Variants in CA10 observed in about 807,000 individuals in gnomAD.
CA10 encodes carbonic anhydrase-related protein 10.
A neutral mutation model predicts 44.2 loss-of-function variants in CA10; 14 were observed. The ratio of observed to expected loss-of-function variants is 0.32; its 90% CI spans 0.21 to 0.50. The LOEUF (loss-of-function observed/expected upper bound fraction) is 0.50, where lower values mean the gene tolerates loss of function less well. CA10 is among the 20% of genes least tolerant of loss of function. CA10 has a pLI of 0.99. For missense variants in CA10, 350 were observed against 409.7 expected (o/e 0.85, Z 1.26); for synonymous variants, 159 against 141.6 (o/e 1.12, Z -0.87).
At chr17:51,729,450 C>A (rs1177522268) in intron 4 of CA10, among the ~76,000 whole-genome samples, 3 of 151,916 alleles carry the variant, frequency 2.0e-5, no homozygotes, top group Admixed American at 1.3e-4. Context: ...TAGAGGGAAG[C>A]CCACTGCATA....
At chr17:52,018,440 G>T (rs1445372648) in intron 2 of CA10, among the ~76,000 whole-genome samples, 1 of 152,098 alleles carries the variant, frequency 6.6e-6, no homozygotes, top group Admixed American at 6.5e-5. Context: ...GCAAGAAGCA[G>T]AGCCAAAGGA....
At chr17:51,801,579 A>G (rs1444641658) in intron 3 of CA10, among the ~76,000 whole-genome samples, 1 of 152,206 alleles carries the variant, frequency 6.6e-6, no homozygotes, top group African/African-American at 2.4e-5. Context: ...AGACAATGAA[A>G]AAAAAAAGTG....
intron 3 of CA10, among the ~76,000 whole-genome samples, chr17:51,926,205 A>AC (rs984412782): frequency 1.3e-5 from 2 of 152,078 alleles, no homozygotes; most frequent in African/African-American, 4.8e-5. Context: ...AGGAACTTAG[A>AC]CCCCACAGCA....
chr17:52,060,240 G>A (rs1439822898), intron 2 of CA10, among the ~76,000 whole-genome samples: 2 of 152,074 alleles, frequency 1.3e-5, no homozygotes, highest in African/African-American at 4.8e-5. Context: ...ATACAAAGTA[G>A]CTCACCAGTA....
In CA10 at chr17:51,992,211, TA is replaced by T. The variant is rs374223596; in HGVS notation, c.137-61080del. Reference sequence around the variant, plus strand: ...CATAAGTTTCATTTTTGCTTTACTATAAAAAAAAGGAGTTACAATACCCCTC... The same window carrying T: ...CATAAGTTTCATTTTTGCTTTACTATAAAAAAAGGAGTTACAATACCCCTC... On this transcript the variant is annotated intron_variant, in intron 2 of 8. Coordinates refer to ENST00000451037, the MANE Select transcript of CA10 (RefSeq NM_020178.5). Among the ~76,000 whole-genome samples, 6 of 151,776 alleles carry T rather than the reference TA, an allele frequency of 4.0e-5. No homozygotes were observed. In the East Asian group the frequency reaches 5.8e-4, roughly 15 times the overall value.
chr17:51,974,785 A>G (rs1008890382), intron 2 of CA10, among the ~76,000 whole-genome samples: 9 of 152,156 alleles, frequency 5.9e-5, no homozygotes. Context: ...CAAGGCAAGT[A>G]AGAAGAAAAG....
At chr17:51,881,582 AGAC>A (rs1555608674) in intron 3 of CA10, among the ~76,000 whole-genome samples, 7 of 152,164 alleles carry the variant, frequency 4.6e-5, no homozygotes, top group Non-Finnish European at 1.0e-4. Flanking sequence ...AATATAAAAA[AGAC>A]AGCCTATCTG....
At chr17:51,905,526 C>CT (rs34606778) in intron 3 of CA10, among the ~76,000 whole-genome samples, 2,602 of 99,794 alleles carry the variant, frequency 0.026, 76 homozygotes, top group African/African-American at 0.043. Context: ...CCTATCAGTC[C>CT]TTTTTTTTTT....
At chr17:52,071,806 T>C (rs955229707) in intron 2 of CA10, among the ~76,000 whole-genome samples, 2 of 152,152 alleles carry the variant, frequency 1.3e-5, no homozygotes, top group Non-Finnish European at 2.9e-5. Flanking sequence ...ACCTTGCTTC[T>C]GAACGAAAGT....
At chr17:51,854,183 C>T (rs1388841549) in intron 3 of CA10, among the ~76,000 whole-genome samples, 1 of 152,152 alleles carries the variant, frequency 6.6e-6, no homozygotes, top group African/African-American at 2.4e-5. Flanking sequence ...CTCCACCTTC[C>T]TCACGAGATT....
At chr17:52,065,314 T>A (rs756076068) in intron 2 of CA10, among the ~76,000 whole-genome samples, 2 of 152,262 alleles carry the variant, frequency 1.3e-5, no homozygotes, top group Non-Finnish European at 2.9e-5. Context: ...TGTACTGATG[T>A]GTTTGTTACT....
intron 5 of CA10, among the ~76,000 whole-genome samples, chr17:51,650,044 A>T (rs1913504683): frequency 6.6e-6 from 1 of 152,088 alleles, no homozygotes; most frequent in African/African-American, 2.4e-5. Flanking sequence ...AGGGTCTATT[A>T]TGGGCCAAAC....
At chr17:51,839,267 C>T (rs908484936) in intron 3 of CA10, among the ~76,000 whole-genome samples, 4 of 152,068 alleles carry the variant, frequency 2.6e-5, no homozygotes, top group South Asian at 2.1e-4. Flanking sequence ...CCAAGGTGGG[C>T]GGATCACGAG....
intron 3 of CA10, among the ~76,000 whole-genome samples, chr17:51,765,102 C>T (rs942338973): frequency 3.3e-5 from 5 of 152,132 alleles, no homozygotes; most frequent in Non-Finnish European, 7.3e-5. Context: ...AGACTGTTCA[C>T]CCATCAAATG....
At chr17:51,825,447 C>A (rs539119462) in intron 3 of CA10, among the ~76,000 whole-genome samples, 1 of 152,082 alleles carries the variant, frequency 6.6e-6, no homozygotes, top group East Asian at 1.9e-4. Flanking sequence ...GGGGTGTGAA[C>A]CTTGTCTGTT....
chr17:51,817,648 A>G (rs1323340977), intron 3 of CA10, among the ~76,000 whole-genome samples: 1 of 152,190 alleles, frequency 6.6e-6, no homozygotes, highest in Non-Finnish European at 1.5e-5. Context: ...CGATGCATAC[A>G]TGGGTTTGTT....
chr17:52,015,731 A>T (rs1051659851), intron 2 of CA10, among the ~76,000 whole-genome samples: 2 of 152,128 alleles, frequency 1.3e-5, no homozygotes, highest in African/African-American at 4.8e-5. Context: ...AAATGAGCAC[A>T]TATTTGCAAA....
chr17:52,007,342 A>G (rs1354820631), intron 2 of CA10, among the ~76,000 whole-genome samples: 1 of 151,572 alleles, frequency 6.6e-6, no homozygotes, highest in Non-Finnish European at 1.5e-5. Flanking sequence ...AATTTCTTAC[A>G]TTTCATCCAT....
At chr17:52,082,537 T>C (rs1488936401) in intron 1 of CA10, among the ~76,000 whole-genome samples, 1 of 152,222 alleles carries the variant, frequency 6.6e-6, no homozygotes. Flanking sequence ...CACTTAACCT[T>C]CTCAGGTACA....
Sources: allele counts gnomAD v4.1 joint callset (sites outside exome capture counted in the v4.1 genomes callset), GRCh38; gene constraint gnomAD v4.1.1; transcripts MANE v1.5; gene names NCBI Gene and HGNC (gene_info 2026-07-23, HGNC 2026-07-21).